The following CSMD1 variants were observed in gnomAD, a reference collection of about 807,000 sequenced individuals.
CSMD1 encodes CUB and sushi domain-containing protein 1.
In CSMD1, 213 loss-of-function variants were observed where a neutral mutation model predicts 417.5. The observed-to-expected ratio is 0.51, with a 90% CI of 0.46 to 0.57. The LOEUF (loss-of-function observed/expected upper bound fraction) is 0.57, where lower values mean the gene tolerates loss of function less well. Ranked by LOEUF, CSMD1 falls within the 20% of genes least tolerant of loss-of-function variation. CSMD1 has a pLI of 0.00. For synonymous variants in CSMD1, 2,862 were observed against 1,736.8 expected (o/e 1.65, Z -16.11); for missense variants, 6,923 against 4,529.7 (o/e 1.53, Z -15.17).
At chr8:3,616,411 G>C (rs73491476) in intron 8 of CSMD1, among the ~76,000 whole-genome samples, 5,547 of 152,180 alleles carry the variant, frequency 0.036, 325 homozygotes, top group African/African-American at 0.13. Flanking sequence ...TAAGTTTCCT[G>C]AGACCTCCTC....
intron 5 of CSMD1, chr8:3,949,853 G>C: frequency 2.2e-6 from 1 of 454,166 alleles, no homozygotes; most frequent in Non-Finnish European, 4.4e-6. Context: ...GGGGATCCCT[G>C]GGGACATGGC....
At chr8:4,949,831 GAT>G (rs922428360) in intron 1 of CSMD1, among the ~76,000 whole-genome samples, 1 of 152,010 alleles carries the variant, frequency 6.6e-6, no homozygotes, top group Non-Finnish European at 1.5e-5. Flanking sequence ...TGAAGGACAG[GAT>G]ATATATATAG....
chr8:3,465,563 T>G (rs996077497), intron 12 of CSMD1, among the ~76,000 whole-genome samples: 2 of 152,054 alleles, frequency 1.3e-5, no homozygotes, highest in African/African-American at 4.8e-5. Context: ...GAGACAACAG[T>G]GCCCAAGGTA....
intron 3 of CSMD1, among the ~76,000 whole-genome samples, chr8:4,342,538 T>C (rs1160294425): frequency 2.0e-5 from 3 of 152,034 alleles, no homozygotes. Flanking sequence ...TCCTGATGTA[T>C]GACATTTGCC....
chr8:3,505,410 T>A (rs1201301618), intron 10 of CSMD1, among the ~76,000 whole-genome samples: 1 of 152,100 alleles, frequency 6.6e-6, no homozygotes, highest in Non-Finnish European at 1.5e-5. Flanking sequence ...GAGAAATAAT[T>A]ATGGGCGCAG....
At chr8:3,152,221 T>C (rs1819239815) in intron 39 of CSMD1, among the ~76,000 whole-genome samples, 1 of 152,250 alleles carries the variant, frequency 6.6e-6, no homozygotes, top group Non-Finnish European at 1.5e-5. Flanking sequence ...GCGACTCACA[T>C]GTTTTGCTAC....
At chr8:4,079,307 T>G (rs1800000576) in intron 3 of CSMD1, among the ~76,000 whole-genome samples, 1 of 152,266 alleles carries the variant, frequency 6.6e-6, no homozygotes, top group African/African-American at 2.4e-5. Flanking sequence ...ATAAACAAAT[T>G]GTGACTAGGC....
intron 49 of CSMD1, among the ~76,000 whole-genome samples, chr8:3,071,384 G>T (rs138422619): frequency 6.6e-6 from 1 of 152,108 alleles, no homozygotes; most frequent in Non-Finnish European, 1.5e-5. Flanking sequence ...AGAGCATTAG[G>T]ACAAATACCT....
chr8:3,981,934 G>T (rs55761503), intron 5 of CSMD1, among the ~76,000 whole-genome samples: 2 of 152,004 alleles, frequency 1.3e-5, no homozygotes, highest in African/African-American at 4.8e-5. Flanking sequence ...CACTTTGGGA[G>T]GCCGAGGCAG....
rs140857752 is a variant in CSMD1, at chr8:4,930,089, G to A, written c.85+64243C>T. Among the ~76,000 whole-genome samples, 24 of 152,226 alleles carry A rather than the reference G, an allele frequency of 1.6e-4. No individual in the cohort carries two copies. The East Asian group carries it at 1.9e-3, about 12-fold the overall frequency. On this transcript the variant is annotated intron_variant, in intron 1 of 69. Transcript: ENST00000635120. ...GCCAAGGAAAAAGAGCTTGTTTCTCGCCCTAGCTCTGTCACTGTTTTTGTG... is the reference window on the plus strand; with the variant it reads ...GCCAAGGAAAAAGAGCTTGTTTCTCACCCTAGCTCTGTCACTGTTTTTGTG...
chr8:4,821,176 T>C (rs1356655985), intron 1 of CSMD1, among the ~76,000 whole-genome samples: 11 of 152,138 alleles, frequency 7.2e-5, no homozygotes, highest in Non-Finnish European at 1.5e-4. Flanking sequence ...TTCTCTGTAA[T>C]CACGTCACTG....
At chr8:4,686,311 C>T (rs1363980350) in intron 1 of CSMD1, among the ~76,000 whole-genome samples, 1 of 152,180 alleles carries the variant, frequency 6.6e-6, no homozygotes, top group Non-Finnish European at 1.5e-5. Flanking sequence ...TATATGCAAT[C>T]ATGCCATTCC....
chr8:3,543,638 G>GAA (rs113548867), intron 10 of CSMD1, among the ~76,000 whole-genome samples: 6,563 of 144,280 alleles, frequency 0.045, 405 homozygotes, highest in African/African-American at 0.14. Context: ...CTAAATAACT[G>GAA]AAAAAAAAAA....
chr8:4,877,268 C>T lies in CSMD1; in HGVS notation c.85+117064G>A, dbSNP rs1276648847. Among the ~76,000 whole-genome samples the T allele has an allele frequency of 2.0e-5, 3 of 151,844 alleles. No homozygotes were observed. In the East Asian group the frequency reaches 5.8e-4, roughly 29 times the overall value. On this transcript the variant is annotated intron_variant, in intron 1 of 69. Coordinates refer to ENST00000635120, the MANE Select transcript of CSMD1 (RefSeq NM_033225.6). ...TACATAAGAAGATCCCAATTTGTAG[C>T]CAGTATTTTGACTATTACAGGAAAT...
chr8:4,727,605 T>C (rs993116340), intron 1 of CSMD1, among the ~76,000 whole-genome samples: 1 of 152,200 alleles, frequency 6.6e-6, no homozygotes, highest in Non-Finnish European at 1.5e-5. Flanking sequence ...TAGCTGTTAA[T>C]GACTTCCAAG....
Position 4,074,090 on chromosome 8 carries a change from A to G in CSMD1, c.416-41991T>C, listed in dbSNP as rs543973126. Among the ~76,000 whole-genome samples, 13 of 152,260 alleles carry G rather than the reference A, an allele frequency of 8.5e-5. No individual in the cohort carries two copies. In the South Asian group the frequency reaches 1.7e-3, roughly 19 times the overall value. ...ATATGGAATAGACAAATTTTGTAAT[A>G]TAATTTATTAAGTGAGCTTAAATGG... On this transcript the variant is annotated intron_variant, in intron 3 of 69. Transcript: ENST00000635120.
chr8:4,788,419 G>T, intron 1 of CSMD1: 1 of 1,340,708 alleles, frequency 7.5e-7, no homozygotes, highest in Non-Finnish European at 1.1e-6. Context: ...TGACTACCCA[G>T]GGTCTTGGCT....
chr8:3,453,146 A>C (rs1180206046), intron 12 of CSMD1, among the ~76,000 whole-genome samples: 1 of 152,066 alleles, frequency 6.6e-6, no homozygotes, highest in East Asian at 1.9e-4. Flanking sequence ...TTGTATTTCC[A>C]TGGGATTGGT....
At chr8:3,405,614 A>G (rs1161521) in intron 15 of CSMD1, among the ~76,000 whole-genome samples, 125,307 of 146,746 alleles carry the variant, frequency 0.85, 51,974 homozygotes, top group South Asian at 0.89. Context: ...TGCTGGAAGA[A>G]GGGGACCCCC....
Sources: allele counts gnomAD v4.1 joint callset (sites outside exome capture counted in the v4.1 genomes callset), GRCh38; gene constraint gnomAD v4.1.1; transcripts MANE v1.5; gene names NCBI Gene and HGNC (gene_info 2026-07-23, HGNC 2026-07-21).